Variants in KREMEN2 observed in about 807,000 individuals in gnomAD.
KREMEN2 encodes the protein kringle containing transmembrane protein 2.
In KREMEN2, 43 loss-of-function variants were observed where a neutral mutation model predicts 49.8. The observed-to-expected ratio is 0.86, with a 90% CI of 0.68 to 1.11. The LOEUF (loss-of-function observed/expected upper bound fraction) is 1.11. Ranked by LOEUF, KREMEN2 falls within the 50% of genes most tolerant of loss-of-function variation. The probability of loss-of-function intolerance (pLI) is 0.00; values close to 1 mark genes in which losing one functional copy is unlikely to be tolerated. For missense variants in KREMEN2, 686 were observed against 665.7 expected (o/e 1.03, Z -0.34); for synonymous variants, 355 against 304.9 (o/e 1.16, Z -1.71).
Position 2,965,639 on chromosome 16 carries a change from C to T in KREMEN2, c.270-501C>T, listed in dbSNP as rs1448891627. 3.3e-5 allele frequency among the ~76,000 whole-genome samples: 5 copies of T among 152,156 alleles called. No individual in the cohort carries two copies. In the East Asian group the frequency reaches 9.6e-4, roughly 29 times the overall value. ...ACAAAAAATTAGCGGGGCATGGTGG[C>T]GGGCGCCTGTAATCCCAGCTACTCA... On this transcript the variant is annotated intron_variant, in intron 2 of 8. Coordinates refer to ENST00000303746, the MANE Select transcript of KREMEN2 (RefSeq NM_172229.3).
Position 2,968,310 on chromosome 16 carries a change from T to G in KREMEN2, c.*290T>G. The G allele has an allele frequency of 6.7e-7, 1 of 1,495,170 alleles. No homozygotes were observed. Among genetic ancestry groups the G allele is most frequent in the Non-Finnish European group, 9.0e-7 (1 of 1,110,312 alleles). The allele number at this position is 1,495,170 out of a possible 1,614,324, so 92.6% of individuals were successfully genotyped here. ...GGTGGTCCTGGACTGCCGTCCTCAG[T>G]GAGAGGTCACAGGTCAGCAAAAACA... On this transcript the variant is annotated 3_prime_UTR_variant, in exon 9 of 9. Transcript: ENST00000303746.
chr16:2,964,906 C>G lies in KREMEN2; in HGVS notation c.142C>G (p.Gln48Glu). 1 of 1,609,562 alleles carries G rather than the reference C, an allele frequency of 6.2e-7. No individual in the cohort carries two copies. The highest frequency in any genetic ancestry group is 8.5e-7 in the Non-Finnish European group (1 of 1,178,502). ...QVNGADYRGH[Q>E]NRTGPRGAGR... ...GAATGGGGCTGACTACCGCGGCCAC[C>G]AGAACCGCACTGGCCCGCGCGGGGC... Residue 48 changes from glutamine (Q) to glutamate (E), a missense_variant, in exon 2 of 9, where the codon CAG (glutamine) becomes GAG (glutamate). Coordinates refer to ENST00000303746, the MANE Select transcript of KREMEN2 (RefSeq NM_172229.3).
chr16:2,964,777 G>T (rs1338362830), intron 1 of KREMEN2, 82 bp from the exon 2 acceptor site: 2 of 1,523,924 alleles, frequency 1.3e-6, no homozygotes, highest in East Asian at 4.7e-5. Flanking sequence ...GCTGGCTGGG[G>T]ACCCAGGCGG....
In KREMEN2 at chr16:2,967,809, G is replaced by T; in HGVS notation, c.1179-1G>T. 1 of 1,549,952 alleles carries T rather than the reference G, an allele frequency of 6.5e-7. No individual in the cohort carries two copies. Among genetic ancestry groups the T allele is most frequent in the Non-Finnish European group, 8.7e-7 (1 of 1,146,834 alleles). ...TCGGCTGATGTCTGCTCCCTCTCTAGGAGCTGTCTGCTGGCTCCGGGAAAA... is the reference window on the plus strand; with the variant it reads ...TCGGCTGATGTCTGCTCCCTCTCTATGAGCTGTCTGCTGGCTCCGGGAAAA... On this transcript the variant is annotated splice_acceptor_variant, in intron 8 of 8. Transcript: ENST00000303746. LOFTEE classifies it high-confidence loss of function.
Position 2,967,610 on chromosome 16 carries a change from G to A in KREMEN2, c.1178+6G>A. On this transcript the variant is annotated splice_donor_region_variant and intron_variant, in intron 8 of 8. Transcript: ENST00000303746. ...CTGCGTCCGCTGCGCCGACGGTGCGGGGCGCTGGGGCAGGGCCTGAGGGCG... is the reference window on the plus strand; with the variant it reads ...CTGCGTCCGCTGCGCCGACGGTGCGAGGCGCTGGGGCAGGGCCTGAGGGCG... The A allele has an allele frequency of 6.5e-7, 1 of 1,528,994 alleles. No homozygotes were observed. The highest frequency in any genetic ancestry group is 1.2e-5 in the South Asian group (1 of 83,046). The allele number at this position is 1,528,994 out of a possible 1,614,324, so 94.7% of individuals were successfully genotyped here.
Position 2,966,874 on chromosome 16 carries a change from G to A in KREMEN2, c.641-36G>A, listed in dbSNP as rs760138471. 16 of 1,556,662 alleles carry A rather than the reference G, an allele frequency of 1.0e-5. No individual in the cohort carries two copies. The highest frequency in any genetic ancestry group is 1.4e-5 in the Non-Finnish European group (16 of 1,151,430). ...CCGGGCAGGGGAGCCGCCGTGTCCTGGTCCTCAGGATGCTGACTGCCGGCC... is the reference window on the plus strand; with the variant it reads ...CCGGGCAGGGGAGCCGCCGTGTCCTAGTCCTCAGGATGCTGACTGCCGGCC... On this transcript the variant is annotated intron_variant, in intron 5 of 8. Transcript: ENST00000303746. This position sits in a 1 kb window ranked among gnomAD's most constrained non-coding sequence, Gnocchi z 8.4.
Position 2,966,803 on chromosome 16 carries a change from G to GTGGGCGGGGACCAGGGGCC in KREMEN2, c.640+17_640+35dup, listed in dbSNP as rs776369759. On this transcript the variant is annotated intron_variant, in intron 5 of 8. Transcript: ENST00000303746. This position sits in a 1 kb window ranked among gnomAD's most constrained non-coding sequence, Gnocchi z 8.4. Reference sequence around the variant, plus strand: ...GGCTGGGCGTCTATGAAGGTGAGGAGTGGGCGGGGACCAGGGGCCTGGGCG... The same window carrying GTGGGCGGGGACCAGGGGCC: ...GGCTGGGCGTCTATGAAGGTGAGGAGTGGGCGGGGACCAGGGGCCTGGGCGGGGACCAGGGGCCTGGGCG... 7.1e-3 allele frequency: 11,422 copies of GTGGGCGGGGACCAGGGGCC among 1,609,946 alleles called. 75 individuals carry two copies. Among genetic ancestry groups the GTGGGCGGGGACCAGGGGCC allele is most frequent in the Middle Eastern group, 0.012 (70 of 6,050 alleles).
chr16:2,965,058 G>A lies in KREMEN2; in HGVS notation c.269+25G>A, dbSNP rs1223142785. 6.0e-6 allele frequency: 9 copies of A among 1,490,170 alleles called. No individual in the cohort carries two copies. In the East Asian group the frequency reaches 1.3e-4, roughly 21 times the overall value. 92.3% of individuals were successfully genotyped at this position (1,490,170 alleles called of 1,614,324 possible). A position where few individuals can be genotyped will look rare whatever the true frequency, so the allele number is the denominator to read the frequency against. ...GGTGAGGGGCGGGGCCTGCGCTGGG[G>A]GCGAGGCTGGGCTCACCATTGCAGG... On this transcript the variant is annotated intron_variant, in intron 2 of 8. Coordinates refer to ENST00000303746, the MANE Select transcript of KREMEN2 (RefSeq NM_172229.3).
At chr16:2,965,606 C>A (rs1255893594) in intron 2 of KREMEN2, among the ~76,000 whole-genome samples, 9 of 152,060 alleles carry the variant, frequency 5.9e-5, no homozygotes, top group Non-Finnish European at 1.3e-4. Context: ...CCCATTTCTA[C>A]TAAAAATACA....
Position 2,966,584 on chromosome 16 carries a change from C to T in KREMEN2, c.487-58C>T. ...CGATTCCCACCCCGACCCCAGGCCC[C>T]CACCACTTCACCCCTACCCCAGCCC... is the stretch of plus-strand genomic sequence containing the variant. On this transcript the variant is annotated intron_variant, in intron 4 of 8. Transcript: ENST00000303746. The surrounding 1 kb of genome is among the most constrained non-coding windows in gnomAD (Gnocchi z 8.4). 6.4e-7 allele frequency: 1 copy of T among 1,571,024 alleles called. No individual in the cohort carries two copies. The highest frequency in any genetic ancestry group is 8.6e-7 in the Non-Finnish European group (1 of 1,162,670).
Position 2,964,550 on chromosome 16 carries a change from C to T in KREMEN2, c.30C>T (p.Leu10=), listed in dbSNP as rs148251636. MGTQALQGF[L]FLLFLPLLQP... ...GGACACAAGCCCTGCAGGGCTTCCT[C>T]TTTCTCCTCTTCCTCCCGCTGCTGC... Residue 10 remains leucine, a synonymous_variant, in exon 1 of 9, where the codon CTC becomes CTT. Transcript: ENST00000303746. 1 of 1,607,164 alleles carries T rather than the reference C, an allele frequency of 6.2e-7. No homozygotes were observed. Among genetic ancestry groups the T allele is most frequent in the South Asian group, 1.1e-5 (1 of 90,252 alleles).
In KREMEN2 at chr16:2,965,105, C is replaced by A. The variant is rs2071792880; in HGVS notation, c.269+72C>A. 9.6e-6 allele frequency: 10 copies of A among 1,043,946 alleles called. No individual in the cohort carries two copies. The South Asian group carries it at 1.0e-4, about 11-fold the overall frequency. The allele number at this position is 1,043,946 out of a possible 1,614,324, so 64.7% of individuals were successfully genotyped here. A position where few individuals can be genotyped will look rare whatever the true frequency, so the allele number is the denominator to read the frequency against. On this transcript the variant is annotated intron_variant, in intron 2 of 8. Transcript: ENST00000303746. ...CAGGGATGGCCCGAAGCGGGGCCTC[C>A]GTGCGGGCGGGGTGGAGGTCTGCCG...
chr16:2,964,597 G>T lies in KREMEN2; in HGVS notation c.77G>T (p.Gly26Val). Residue 26 changes from glycine (G) to valine (V), a missense_variant, in exon 1 of 9, where the codon GGG becomes GTG. By Grantham distance (109) the Gly-to-Val change is moderately radical. Transcript: ENST00000303746. ...PLLQPRGASA[G>V]SLHSPGLSEC... ...CTGCAGCCGCGTGGGGCCTCGGCTG[G>T]GAGCCTGCACAGTCCAGGTAAGTCC... The T allele has an allele frequency of 6.2e-7, 1 of 1,607,904 alleles. No homozygotes were observed. The highest frequency in any genetic ancestry group is 1.3e-5 in the African/African-American group (1 of 74,478).
In KREMEN2 at chr16:2,966,191, G is replaced by A. The variant is rs1056222842; in HGVS notation, c.321G>A (p.Glu107=). The A allele has an allele frequency of 1.2e-6, 2 of 1,612,886 alleles. No homozygotes were observed. Among genetic ancestry groups the A allele is most frequent in the Admixed American group, 1.7e-5 (1 of 60,030 alleles). ...GGTGCTACGTGGCTGAGACAGAGGA[G>A]GGCATCTACTGGCGCTACTGCGACA... ...QPWCYVAETE[E]GIYWRYCDIP... The change falls in exon 3 of 9, where the codon GAG becomes GAA. Residue 107 remains glutamate, a synonymous_variant. Coordinates refer to ENST00000303746, the MANE Select transcript of KREMEN2 (RefSeq NM_172229.3). The surrounding 1 kb of genome is among the most constrained non-coding windows in gnomAD (Gnocchi z 8.4).
rs1229036628 is a variant in KREMEN2, at chr16:2,965,526, T to C, written c.269+493T>C. 2.0e-5 allele frequency among the ~76,000 whole-genome samples: 3 copies of C among 152,192 alleles called. No individual in the cohort carries two copies. In the East Asian group the frequency reaches 5.8e-4, roughly 29 times the overall value. On this transcript the variant is annotated intron_variant, in intron 2 of 8. Transcript: ENST00000303746. ...TGGCTCAGCCTGTAATCCCAGCACTTTGGGAGGCCAAGGCAGGCGGATCAT... is the reference window on the plus strand; with the variant it reads ...TGGCTCAGCCTGTAATCCCAGCACTCTGGGAGGCCAAGGCAGGCGGATCAT...
Position 2,966,243 on chromosome 16 carries a change from G to T in KREMEN2, c.361+12G>T, listed in dbSNP as rs776567944. The T allele has an allele frequency of 3.1e-6, 5 of 1,613,220 alleles. No homozygotes were observed. Among genetic ancestry groups the T allele is most frequent in the Admixed American group, 1.7e-5 (1 of 60,006 alleles). ...CCCCTCCTGTCACAGTGAGTAGCGC[G>T]GCTGGACAGAGGTGGGAACGCTGCT... On this transcript the variant is annotated intron_variant, in intron 3 of 8. Coordinates refer to ENST00000303746, the MANE Select transcript of KREMEN2 (RefSeq NM_172229.3). This position sits in a 1 kb window ranked among gnomAD's most constrained non-coding sequence, Gnocchi z 8.4.
Position 2,966,888 on chromosome 16 carries a change from T to A in KREMEN2, c.641-22T>A. The A allele has an allele frequency of 1.3e-6, 2 of 1,544,094 alleles. No homozygotes were observed. The highest frequency in any genetic ancestry group is 1.7e-6 in the Non-Finnish European group (2 of 1,143,872). ...CGCCGTGTCCTGGTCCTCAGGATGC[T>A]GACTGCCGGCCCCGCCCGCAGTGTC... On this transcript the variant is annotated intron_variant, in intron 5 of 8. Transcript: ENST00000303746. This position sits in a 1 kb window ranked among gnomAD's most constrained non-coding sequence, Gnocchi z 8.4.
In KREMEN2 at chr16:2,964,845, C is replaced by T. The variant is rs376732805; in HGVS notation, c.95-14C>T. On this transcript the variant is annotated splice_polypyrimidine_tract_variant and intron_variant, in intron 1 of 8. Coordinates refer to ENST00000303746, the MANE Select transcript of KREMEN2 (RefSeq NM_172229.3). ...TGGGTCCGGACCTCCCCAGGCCCTG[C>T]CTTTGCCGTGCAGGCCTGTCCGAAT... 1.0e-4 allele frequency: 166 copies of T among 1,609,586 alleles called. No homozygotes were observed. The highest frequency in any genetic ancestry group is 1.3e-4 in the Non-Finnish European group (156 of 1,178,688).
Position 2,967,235 on chromosome 16 carries a change from C to A in KREMEN2, c.966C>A (p.Thr322=). 7.4e-7 allele frequency: 1 copy of A among 1,353,826 alleles called. No individual in the cohort carries two copies. Among genetic ancestry groups the A allele is most frequent in the Admixed American group, 4.1e-5 (1 of 24,656 alleles). The allele number at this position is 1,353,826 out of a possible 1,614,324, so 83.9% of individuals were successfully genotyped here. A position where few individuals can be genotyped will look rare whatever the true frequency, so the allele number is the denominator to read the frequency against. The change falls in exon 6 of 9, where the codon ACC becomes ACA. Residue 322 remains threonine (T), a synonymous_variant. Coordinates refer to ENST00000303746, the MANE Select transcript of KREMEN2 (RefSeq NM_172229.3). ...ARGHAQGFAL[T]YRGLQDAAED... is the part of the protein sequence containing the mutation. ...GCCACGCGCAAGGCTTCGCGCTCACCTACCGCGGTGAGCCTCAGCTCGGCG... is the reference window on the plus strand; with the variant it reads ...GCCACGCGCAAGGCTTCGCGCTCACATACCGCGGTGAGCCTCAGCTCGGCG...
Sources: allele counts gnomAD v4.1 joint callset (sites outside exome capture counted in the v4.1 genomes callset), GRCh38; gene constraint gnomAD v4.1.1; non-coding constraint Gnocchi (gnomAD v3.1); transcripts MANE v1.5; gene names NCBI Gene and HGNC (gene_info 2026-07-23, HGNC 2026-07-21).